Variants in LOC128125814 observed in about 807,000 individuals in gnomAD.
chr12:57,519,249 G>C, the LOC128125814 span: 6 of 530,366 alleles, frequency 1.1e-5, no homozygotes, highest in Admixed American at 1.2e-4. Flanking sequence ...TTGAGTGGAG[G>C]AATTACCTAA....
chr12:57,520,314 C>T, the LOC128125814 span: 4 of 397,692 alleles, frequency 1.0e-5, no homozygotes, highest in African/African-American at 2.1e-5. Context: ...CTCTCTCGGA[C>T]GGTCCCTAAC....
chr12:57,520,353 A>T, the LOC128125814 span: 1 of 398,436 alleles, frequency 2.5e-6, no homozygotes, highest in East Asian at 3.6e-5. Flanking sequence ...GGCCGATCCT[A>T]AAGAGCGGAC....
the LOC128125814 span, among the ~76,000 whole-genome samples, chr12:57,518,931 A>T: frequency 6.6e-6 from 1 of 152,216 alleles, no homozygotes; most frequent in Non-Finnish European, 1.5e-5. Flanking sequence ...AAGTGCTGGG[A>T]TTACAGGTGT....
chr12:57,518,797 T>G, the LOC128125814 span, among the ~76,000 whole-genome samples: 1 of 152,162 alleles, frequency 6.6e-6, no homozygotes, highest in Non-Finnish European at 1.5e-5. Context: ...TAGCTGGGAT[T>G]ACAGGCATGC....
At chr12:57,517,873 C>G in the LOC128125814 span, 1 of 418,432 alleles carries the variant, frequency 2.4e-6, no homozygotes, top group African/African-American at 2.1e-5. Flanking sequence ...TGTTGCCAGG[C>G]TGAAGTGCAG....
At chr12:57,520,197 C>T in the LOC128125814 span, among the ~76,000 whole-genome samples, 3 of 152,230 alleles carry the variant, frequency 2.0e-5, no homozygotes, top group East Asian at 5.8e-4. Context: ...CCCAGCAGCA[C>T]AGAGCAGGGC....
chr12:57,518,160 A>C, the LOC128125814 span, among the ~76,000 whole-genome samples: 10 of 151,670 alleles, frequency 6.6e-5, no homozygotes, highest in South Asian at 2.1e-4. Flanking sequence ...GTCCTTCCTT[A>C]CTTCTGGTCT....
chr12:57,520,335 A>C, the LOC128125814 span: 1 of 398,178 alleles, frequency 2.5e-6, no homozygotes, highest in Non-Finnish European at 4.4e-6. Flanking sequence ...TTCACTGTGG[A>C]GGAGTGAGGC....
At chr12:57,519,667 C>A in the LOC128125814 span, among the ~76,000 whole-genome samples, 1 of 152,246 alleles carries the variant, frequency 6.6e-6, no homozygotes, top group Non-Finnish European at 1.5e-5. Context: ...CAGAAGGCTG[C>A]AGAGCCAAAC....
At chr12:57,517,843 T>C in the LOC128125814 span, 1 of 441,342 alleles carries the variant, frequency 2.3e-6, no homozygotes, top group Non-Finnish European at 4.0e-6. Context: ...TTTTTTTTTT[T>C]TTGAGACCAA....
chr12:57,517,832 C>CTTT, the LOC128125814 span: 23 of 384,442 alleles, frequency 6.0e-5, no homozygotes, highest in South Asian at 3.4e-4. Flanking sequence ...TTTTTTCTTT[C>CTTT]TTTTTTTTTT....
the LOC128125814 span, chr12:57,519,126 C>T: frequency 2.4e-5 from 13 of 532,816 alleles, no homozygotes; most frequent in Middle Eastern, 5.0e-4. Context: ...GCCACCCCTC[C>T]GCAACTCTAT....
the LOC128125814 span, among the ~76,000 whole-genome samples, chr12:57,518,578 T>C: frequency 3.3e-5 from 5 of 152,218 alleles, no homozygotes; most frequent in African/African-American, 4.8e-5. Context: ...ATGACAACTC[T>C]AGTTGCTTAA....
the LOC128125814 span, chr12:57,519,055 A>G: frequency 1.9e-6 from 1 of 525,986 alleles, no homozygotes; most frequent in Non-Finnish European, 3.8e-6. Context: ...TCAATTCACT[A>G]CCATCTCTAA....
chr12:57,519,031 G>A, the LOC128125814 span: 1 of 517,998 alleles, frequency 1.9e-6, no homozygotes, highest in Non-Finnish European at 3.9e-6. Flanking sequence ...TAATTCCATT[G>A]TTTCCAATCT....
the LOC128125814 span, among the ~76,000 whole-genome samples, chr12:57,519,663 G>A: frequency 2.2e-4 from 33 of 152,234 alleles, no homozygotes; most frequent in Non-Finnish European, 2.9e-4. Flanking sequence ...AGGTCAGAAG[G>A]CTGCAGAGCC....
chr12:57,519,246 G>A, the LOC128125814 span: 5 of 530,798 alleles, frequency 9.4e-6, no homozygotes, highest in Non-Finnish European at 1.5e-5. Flanking sequence ...GTTTTGAGTG[G>A]AGGAATTACC....
the LOC128125814 span, among the ~76,000 whole-genome samples, chr12:57,518,013 G>A: frequency 2.0e-5 from 3 of 152,094 alleles, no homozygotes; most frequent in African/African-American, 7.2e-5. Flanking sequence ...TTTTAGCAGA[G>A]ATAGGGTTTC....
chr12:57,518,232 C>G, the LOC128125814 span, among the ~76,000 whole-genome samples: 2 of 146,334 alleles, frequency 1.4e-5, no homozygotes, highest in African/African-American at 2.8e-5. Context: ...GCCTGACTTT[C>G]TTTATTTTTA....
Sources: gnomAD v4.1 joint callset for allele counts (sites outside exome capture counted in the v4.1 genomes callset) on GRCh38, gnomAD v4.1.1 for gene constraint, MANE v1.5 for transcripts.